The following HCN1 variants were observed in gnomAD, a reference collection of about 807,000 sequenced individuals.
HCN1 encodes hyperpolarization activated cyclic nucleotide gated potassium channel 1.
A neutral mutation model predicts 78.9 loss-of-function variants in HCN1; 13 were observed. The observed-to-expected ratio is 0.16, with a 90% CI of 0.11 to 0.26. HCN1 has a LOEUF of 0.26. Ranked by LOEUF, HCN1 falls within the 10% of genes least tolerant of loss-of-function variation. The probability of loss-of-function intolerance (pLI) is 1.00; values close to 1 mark genes in which losing one functional copy is unlikely to be tolerated. For missense variants in HCN1, 810 were observed against 1,154.3 expected, an observed-to-expected ratio of 0.70 and a Z score of 4.32; for synonymous variants, 552 against 455.5, an observed-to-expected ratio of 1.21 and a Z score of -2.70.
At chr5:45,463,906 G>A (rs573714757) in intron 2 of HCN1, among the ~76,000 whole-genome samples, 43 of 152,136 alleles carry the variant, frequency 2.8e-4, no homozygotes, top group Admixed American at 5.9e-4. Flanking sequence ...AAACCAGGAA[G>A]CTTATCACAT....
intron 3 of HCN1, among the ~76,000 whole-genome samples, chr5:45,457,052 A>T (rs1338859915): frequency 6.6e-6 from 1 of 152,060 alleles, no homozygotes; most frequent in Non-Finnish European, 1.5e-5. Context: ...ATGATTACTA[A>T]CATGTAATCA....
chr5:45,631,110 G>A (rs1745263295), intron 2 of HCN1, among the ~76,000 whole-genome samples: 1 of 152,128 alleles, frequency 6.6e-6, no homozygotes, highest in Non-Finnish European at 1.5e-5. Context: ...ATTTTGAACA[G>A]TTACAAAGGT....
intron 6 of HCN1, among the ~76,000 whole-genome samples, chr5:45,292,958 G>T (rs1745410208): frequency 6.6e-6 from 1 of 151,950 alleles, no homozygotes; most frequent in Non-Finnish European, 1.5e-5. Flanking sequence ...ATTTACATAT[G>T]AAATAATAAT....
intron 2 of HCN1, among the ~76,000 whole-genome samples, chr5:45,544,544 G>C (rs1021973814): frequency 6.6e-6 from 1 of 151,744 alleles, no homozygotes; most frequent in Non-Finnish European, 1.5e-5. Flanking sequence ...TGCTGCACCC[G>C]TTAAATTGTC....
intron 6 of HCN1, among the ~76,000 whole-genome samples, chr5:45,273,684 A>G (rs1745001901): frequency 2.0e-5 from 3 of 152,170 alleles, no homozygotes; most frequent in Admixed American, 2.0e-4. Flanking sequence ...AGTAACTGAT[A>G]CCATGAAATA....
chr5:45,649,349 T>A (rs1444183481), intron 1 of HCN1, among the ~76,000 whole-genome samples: 1 of 151,836 alleles, frequency 6.6e-6, no homozygotes, highest in African/African-American at 2.4e-5. Context: ...ACATATATAG[T>A]CCCTCCCCAT....
At chr5:45,617,050 A>G (rs1200276325) in intron 2 of HCN1, among the ~76,000 whole-genome samples, 1 of 152,068 alleles carries the variant, frequency 6.6e-6, no homozygotes, top group Admixed American at 6.6e-5. Context: ...GATTTCAAAA[A>G]TACTTGGCAA....
chr5:45,365,901 G>T (rs1747224616), intron 4 of HCN1, among the ~76,000 whole-genome samples: 1 of 151,612 alleles, frequency 6.6e-6, no homozygotes, highest in Non-Finnish European at 1.5e-5. Flanking sequence ...GCAGTTGAAG[G>T]ATCCATAACT....
At chr5:45,289,979 C>A (rs1484000184) in intron 6 of HCN1, among the ~76,000 whole-genome samples, 5 of 151,914 alleles carry the variant, frequency 3.3e-5, no homozygotes, top group Admixed American at 2.6e-4. Flanking sequence ...TGTCCCCACC[C>A]AAATCTCATC....
At chr5:45,695,555 G>T in intron 1 of HCN1, 114 bp downstream of exon 1, 1 of 1,009,242 alleles carries the variant, frequency 9.9e-7, no homozygotes, top group East Asian at 2.7e-5. Context: ...GCCGCCGGCA[G>T]CGCCACCCCC....
At chr5:45,553,525 T>C (rs1010792360) in intron 2 of HCN1, among the ~76,000 whole-genome samples, 1 of 151,808 alleles carries the variant, frequency 6.6e-6, no homozygotes, top group Admixed American at 6.6e-5. Context: ...TATAAAGTTG[T>C]CCCTTGGTAT....
At chr5:45,494,357 G>A (rs1216485494) in intron 2 of HCN1, among the ~76,000 whole-genome samples, 4 of 152,182 alleles carry the variant, frequency 2.6e-5, no homozygotes, top group Admixed American at 1.3e-4. Flanking sequence ...GCCAGTGATG[G>A]TGAGCATTTT....
At chr5:45,586,471 C>T (rs557292142) in intron 2 of HCN1, among the ~76,000 whole-genome samples, 1 of 152,256 alleles carries the variant, frequency 6.6e-6, no homozygotes, top group East Asian at 1.9e-4. Flanking sequence ...CTTGCGCTTC[C>T]CGGGTGAGGC....
At chr5:45,578,499 C>T (rs931019288) in intron 2 of HCN1, among the ~76,000 whole-genome samples, 1 of 151,938 alleles carries the variant, frequency 6.6e-6, no homozygotes, top group African/African-American at 2.4e-5. Flanking sequence ...TTCCAGGAAG[C>T]ATTAGATAAG....
chr5:45,359,566 C>A (rs1322276330), intron 4 of HCN1, among the ~76,000 whole-genome samples: 3 of 151,522 alleles, frequency 2.0e-5, no homozygotes, highest in Non-Finnish European at 4.4e-5. Context: ...AAAGTTAATA[C>A]TTTTTTTTAA....
At chr5:45,348,534 A>G (rs1746802290) in intron 5 of HCN1, among the ~76,000 whole-genome samples, 1 of 152,224 alleles carries the variant, frequency 6.6e-6, no homozygotes, top group African/African-American at 2.4e-5. Flanking sequence ...TTTAAATGTA[A>G]ATGGACTAAA....
At chr5:45,537,744 T>C (rs1047904488) in intron 2 of HCN1, among the ~76,000 whole-genome samples, 5 of 151,982 alleles carry the variant, frequency 3.3e-5, no homozygotes, top group African/African-American at 1.2e-4. Context: ...GTTACCTTCC[T>C]ATCTTCTTCT....
intron 2 of HCN1, among the ~76,000 whole-genome samples, chr5:45,623,673 T>A (rs1056064901): frequency 3.3e-5 from 5 of 152,192 alleles, no homozygotes; most frequent in African/African-American, 1.2e-4. Flanking sequence ...ATAATGACTA[T>A]AAATTTACTA....
At chr5:45,533,165 G>T (rs1742894317) in intron 2 of HCN1, among the ~76,000 whole-genome samples, 1 of 152,126 alleles carries the variant, frequency 6.6e-6, no homozygotes. Context: ...GATGTGTATG[G>T]TGTGTTTGTT....
Sources: allele counts gnomAD v4.1 joint callset (sites outside exome capture counted in the v4.1 genomes callset), GRCh38; gene constraint gnomAD v4.1.1; transcripts MANE v1.5; gene names NCBI Gene and HGNC (gene_info 2026-07-23, HGNC 2026-07-21).